SPRED1: variants seen among roughly 807,000 people sequenced by gnomAD.
SPRED1 encodes the protein sprouty-related, EVH1 domain-containing protein 1.
Under a neutral mutation model 52.3 loss-of-function variants are expected in SPRED1, and 18 were observed. That is an observed-to-expected ratio of 0.34 (90% CI 0.24 to 0.51). The LOEUF (loss-of-function observed/expected upper bound fraction) is 0.51. Among genes scored for constraint, SPRED1 ranks in the 20% least tolerant of loss-of-function variants. SPRED1 has a pLI of 0.97. For synonymous variants in SPRED1, 155 were observed against 179.7 expected, an observed-to-expected ratio of 0.86 and a Z score of 1.10; for missense variants, 485 against 551.0, an observed-to-expected ratio of 0.88 and a Z score of 1.20.
At chr15:38,297,865 C>T (rs945021314) in intron 1 of SPRED1, among the ~76,000 whole-genome samples, 14 of 152,166 alleles carry the variant, frequency 9.2e-5, no homozygotes, top group African/African-American at 3.4e-4. Context: ...GGTTTAGTAA[C>T]TTTCTCAAAG....
At chr15:38,294,647 T>G (rs1229511480) in intron 1 of SPRED1, among the ~76,000 whole-genome samples, 1 of 152,134 alleles carries the variant, frequency 6.6e-6, no homozygotes, top group Non-Finnish European at 1.5e-5. Context: ...GACAGATAAT[T>G]TATTTTAGAA....
intron 4 of SPRED1, among the ~76,000 whole-genome samples, chr15:38,333,112 C>T (rs745445498): frequency 3.9e-5 from 6 of 152,012 alleles, no homozygotes; most frequent in Non-Finnish European, 5.9e-5. Context: ...CACAAACATT[C>T]GGAGTATAGC....
intron 1 of SPRED1, among the ~76,000 whole-genome samples, chr15:38,278,710 C>T (rs1401240354): frequency 1.3e-5 from 2 of 151,726 alleles, no homozygotes; most frequent in Non-Finnish European, 2.9e-5. Context: ...TTTATGATAC[C>T]TAATACAATG....
chr15:38,286,219 C>A (rs1383700020), intron 1 of SPRED1, among the ~76,000 whole-genome samples: 1 of 103,322 alleles, frequency 9.7e-6, no homozygotes, highest in African/African-American at 3.7e-5. Context: ...CAACCGCACT[C>A]CAGCCTCAAA....
intron 6 of SPRED1, among the ~76,000 whole-genome samples, chr15:38,349,957 A>G (rs371153657): frequency 6.6e-6 from 1 of 152,114 alleles, no homozygotes; most frequent in East Asian, 1.9e-4. Context: ...GCATTTATGG[A>G]TGATGTAAGG....
intron 1 of SPRED1, among the ~76,000 whole-genome samples, chr15:38,290,652 C>T (rs890261120): frequency 1.3e-5 from 2 of 152,110 alleles, no homozygotes; most frequent in Non-Finnish European, 2.9e-5. Context: ...AGGCGAAAGG[C>T]ATTTCTTACA....
intron 1 of SPRED1, among the ~76,000 whole-genome samples, chr15:38,278,888 C>T (rs550449678): frequency 6.0e-4 from 84 of 139,366 alleles, no homozygotes; most frequent in Middle Eastern, 4.2e-3. Flanking sequence ...AGTGCAGTGG[C>T]GGAATCTTAG....
At chr15:38,340,756 G>A (rs1896011949) in intron 5 of SPRED1, among the ~76,000 whole-genome samples, 1 of 151,928 alleles carries the variant, frequency 6.6e-6, no homozygotes, top group African/African-American at 2.4e-5. Flanking sequence ...TGCTGGTCTT[G>A]AACTCCTGAC....
intron 5 of SPRED1, 72 bp downstream of exon 5, chr15:38,339,967 C>A: frequency 6.3e-7 from 1 of 1,575,708 alleles, no homozygotes; most frequent in Non-Finnish European, 8.7e-7. Context: ...TAGATAAGGA[C>A]GTTAAAACCA....
intron 1 of SPRED1, among the ~76,000 whole-genome samples, chr15:38,274,952 TG>T (rs1482127781): frequency 6.6e-6 from 1 of 152,254 alleles, no homozygotes; most frequent in African/African-American, 2.4e-5. Context: ...AGAAGATGTT[TG>T]TTTTGCCAGG....
intron 2 of SPRED1, among the ~76,000 whole-genome samples, chr15:38,320,617 A>G (rs1228762124): frequency 6.6e-6 from 1 of 152,156 alleles, no homozygotes; most frequent in African/African-American, 2.4e-5. Context: ...GATAATGGTG[A>G]TTGGAAAAGA....
intron 5 of SPRED1, among the ~76,000 whole-genome samples, chr15:38,342,446 C>A (rs1896049672): frequency 6.6e-6 from 1 of 151,986 alleles, no homozygotes; most frequent in Admixed American, 6.6e-5. Context: ...AAACAGTTAG[C>A]ATTCATTTAG....
chr15:38,330,688 C>G (rs1240966951), intron 4 of SPRED1, among the ~76,000 whole-genome samples: 1 of 152,066 alleles, frequency 6.6e-6, no homozygotes, highest in Non-Finnish European at 1.5e-5. Flanking sequence ...TTTTAAACCA[C>G]TTCTGTCATT....
intron 5 of SPRED1, among the ~76,000 whole-genome samples, chr15:38,345,959 G>T (rs1173870165): frequency 6.6e-6 from 1 of 152,116 alleles, no homozygotes; most frequent in African/African-American, 2.4e-5. Flanking sequence ...TGTCAACTAC[G>T]CTAGTTTATG....
intron 1 of SPRED1, among the ~76,000 whole-genome samples, chr15:38,292,177 C>A (rs1306736219): frequency 6.6e-6 from 1 of 152,168 alleles, no homozygotes. Flanking sequence ...TTTGCTAAAA[C>A]ATAACAAGAT....
In SPRED1 at chr15:38,322,328, T is replaced by C; in HGVS notation, c.295T>C (p.Phe99Leu). The C allele has an allele frequency of 6.2e-7, 1 of 1,613,894 alleles. No individual in the cohort carries two copies. Among genetic ancestry groups the C allele is most frequent in the Non-Finnish European group, 8.5e-7 (1 of 1,179,896 alleles). ...FHHWKIDDKKFGLTFQSPADA... is the reference protein window; with the variant it reads ...FHHWKIDDKKLGLTFQSPADA... ...CCACTGGAAGATTGATGACAAGAAG[T>C]TTGGTCTTACGTTTCAAAGTCCTGC... The change falls in exon 3 of 7, where the codon TTT (phenylalanine) becomes CTT (leucine). Residue 99 changes from phenylalanine (F) to leucine (L), a missense_variant. By Grantham distance (22) the Phe-to-Leu change is conservative (BLOSUM62 0). This residue lies in a region of SPRED1 where 232 missense variants were observed against 231.8 expected (regional missense o/e 1.00). Coordinates refer to ENST00000299084, the MANE Select transcript of SPRED1 (RefSeq NM_152594.3).
At chr15:38,269,175 C>T (rs1595715819) in intron 1 of SPRED1, among the ~76,000 whole-genome samples, 1 of 152,164 alleles carries the variant, frequency 6.6e-6, no homozygotes, top group African/African-American at 2.4e-5. Context: ...ATCTCCTAAC[C>T]TTGTGATCTG....
intron 2 of SPRED1, among the ~76,000 whole-genome samples, chr15:38,321,487 A>G (rs973102079): frequency 3.3e-5 from 5 of 152,200 alleles, no homozygotes; most frequent in African/African-American, 7.2e-5. Flanking sequence ...ACTTAAATGC[A>G]TATTTTGAAA....
In SPRED1 at chr15:38,351,187, C is replaced by G. The variant is rs1383952166; in HGVS notation, c.858C>G (p.Asp286Glu). The change falls in exon 7 of 7, where the codon GAC becomes GAG. Residue 286 changes from aspartate to glutamate, a missense_variant. By Grantham distance (45) the Asp-to-Glu change is conservative. Coordinates refer to ENST00000299084, the MANE Select transcript of SPRED1 (RefSeq NM_152594.3). ...ADSSIQFSKP[D>E]SKKSDYLYSC... ...CCAGTATTCAGTTTTCTAAACCAGA[C>G]AGTAAAAAATCAGACTATCTGTACT... is the stretch of plus-strand genomic sequence containing the variant. The G allele has an allele frequency of 3.1e-6, 5 of 1,614,080 alleles. 1 individual carries two copies. In the South Asian group the frequency reaches 5.5e-5, roughly 18 times the overall value.
Sources: gnomAD v4.1 joint callset for allele counts (sites outside exome capture counted in the v4.1 genomes callset) on GRCh38, gnomAD v4.1.1 for gene constraint, gnomAD v4.1.1 regional missense constraint, MANE v1.5 for transcripts, NCBI Gene and HGNC (gene_info 2026-07-23, HGNC 2026-07-21) for gene names.